MAP4: variants seen among roughly 807,000 people sequenced by gnomAD.
The protein encoded by MAP4 is microtubule associated protein 4.
Under a neutral mutation model 170.2 loss-of-function variants are expected in MAP4, and 76 were observed. The ratio of observed to expected loss-of-function variants is 0.45; its 90% CI spans 0.37 to 0.54. The LOEUF is 0.54. Among genes scored for constraint, MAP4 ranks in the 20% least tolerant of loss-of-function variants. The probability of loss-of-function intolerance (pLI) is 0.00; values close to 1 mark genes in which losing one functional copy is unlikely to be tolerated. For missense variants in MAP4, 2,506 were observed against 2,748.0 expected, an observed-to-expected ratio of 0.91 and a Z score of 1.97; for synonymous variants, 909 against 994.5, an observed-to-expected ratio of 0.91 and a Z score of 1.62.
upstream of MAP4, among the ~76,000 whole-genome samples, chr3:48,017,601 A>C (rs2100108430): frequency 6.6e-6 from 1 of 151,718 alleles, no homozygotes; most frequent in Non-Finnish European, 1.5e-5. Context: ...GTCTCCCTAC[A>C]ATTTAGTCAC....
chr3:48,062,446 A>C (rs1202777000), intron 1 of MAP4, among the ~76,000 whole-genome samples: 2 of 140,818 alleles, frequency 1.4e-5, no homozygotes, highest in Admixed American at 7.6e-5. Context: ...CTATTGTCCT[A>C]TGACCCTGCC....
At position 48,002,987 on chromosome 3, in the gene MAP4, A is replaced by T. The variant is rs141616896; in HGVS notation, c.-19-4108T>A. Among the ~76,000 whole-genome samples the T allele has an allele frequency of 3.8e-3, 571 of 149,354 alleles. 3 individuals are homozygous for T. Among genetic ancestry groups the T allele is most frequent in the African/African-American group, 0.014 (536 of 39,664 alleles). On this transcript the variant is annotated intron_variant, in intron 1 of 20. Transcript: ENST00000683076. ...TAAATAAATAAATAAATAAATAAAT[A>T]AATAAATTTAATTCCATTTAGAAAT...
chr3:47,934,966 G>A (rs2100051893), intron 3 of MAP4, among the ~76,000 whole-genome samples: 1 of 152,220 alleles, frequency 6.6e-6, no homozygotes, highest in Admixed American at 6.5e-5. Flanking sequence ...ACAGAAGCAA[G>A]TATTAGCCTA....
At chr3:48,075,495 C>A (rs560833785) in intron 1 of MAP4, among the ~76,000 whole-genome samples, 15 of 151,980 alleles carry the variant, frequency 9.9e-5, no homozygotes, top group South Asian at 8.3e-4. Flanking sequence ...CCACTGCACT[C>A]CAGCCTGGGC....
intron 3 of MAP4, among the ~76,000 whole-genome samples, chr3:47,972,198 C>T (rs1473130407): frequency 6.6e-6 from 1 of 152,220 alleles, no homozygotes; most frequent in Admixed American, 6.5e-5. Context: ...TGCAACCCTA[C>T]TGTAAACAAA....
At chr3:48,028,823 T>G (rs958128588) in intron 1 of MAP4, among the ~76,000 whole-genome samples, 1 of 149,040 alleles carries the variant, frequency 6.7e-6, no homozygotes, top group East Asian at 2.0e-4. Context: ...TAGAACATAA[T>G]CAGAACTTCA....
intron 1 of MAP4, among the ~76,000 whole-genome samples, chr3:48,040,712 C>A (rs913091653): frequency 1.3e-5 from 2 of 151,920 alleles, no homozygotes; most frequent in Non-Finnish European, 2.9e-5. Context: ...TATAGGCATG[C>A]GCCACCACAC....
intron 3 of MAP4, among the ~76,000 whole-genome samples, chr3:47,947,419 A>T (rs1440393148): frequency 6.6e-6 from 1 of 152,106 alleles, no homozygotes; most frequent in East Asian, 1.9e-4. Flanking sequence ...CTCATTCAAC[A>T]CTCAACCTTG....
chr3:48,032,279 G>A (rs1162431406), intron 1 of MAP4, among the ~76,000 whole-genome samples: 1 of 152,062 alleles, frequency 6.6e-6, no homozygotes, highest in East Asian at 1.9e-4. Context: ...TATGAAAATT[G>A]AGGTCAGGAG....
In MAP4 at chr3:47,910,073, C is replaced by T. The variant is rs780019058; in HGVS notation, c.4348G>A (p.Val1450Ile). The change falls in exon 9 of 21, where the codon GTA becomes ATA. Residue 1450 changes from valine to isoleucine, a missense_variant. Val to Ile is a conservative substitution (Grantham distance 29). Transcript: ENST00000683076. ...CEKLPTPTPQ[V>I]VKEGDSFPDT... ...GGAAAGGAATCACCTTCCTTTACTA[C>T]TTGAGGAGTAGGAGTGGGCAGTTTT... 1.9e-6 allele frequency: 3 copies of T among 1,613,890 alleles called. No individual in the cohort carries two copies. The highest frequency in any genetic ancestry group is 1.6e-4 in the Middle Eastern group (1 of 6,084).
At chr3:48,079,304 A>AC (rs1354456200) in intron 1 of MAP4, among the ~76,000 whole-genome samples, 1 of 152,122 alleles carries the variant, frequency 6.6e-6, no homozygotes, top group African/African-American at 2.4e-5. Context: ...CAAAATATGA[A>AC]CAATTCTGGT....
At chr3:47,981,374 G>A (rs2100085339) in intron 2 of MAP4, among the ~76,000 whole-genome samples, 1 of 151,998 alleles carries the variant, frequency 6.6e-6, no homozygotes, top group South Asian at 2.1e-4. Flanking sequence ...GGGCAACATA[G>A]TGTGACCCCA....
At chr3:47,927,797 G>T (rs1276637099) in intron 4 of MAP4, among the ~76,000 whole-genome samples, 2 of 152,120 alleles carry the variant, frequency 1.3e-5, no homozygotes, top group African/African-American at 4.8e-5. Flanking sequence ...TATAGAAAGT[G>T]GGTATGAATC....
rs116719566 is a variant in MAP4, at chr3:48,080,557, G to A, written c.-20+8216C>T. ...AAGTATAGCACTGGGAGTGAGAATA[G>A]GTCATTTGGCCAGGAACAGTGGCTC... On this transcript the variant is annotated intron_variant, in intron 1 of 18. Transcript: ENST00000360240. Among the ~76,000 whole-genome samples the A allele has an allele frequency of 1.2e-3, 183 of 152,268 alleles. 1 individual carries two copies. The highest frequency in any genetic ancestry group is 3.9e-3 in the African/African-American group (162 of 41,560).
chr3:47,917,924 G>A (rs962317205), intron 6 of MAP4, among the ~76,000 whole-genome samples: 2 of 152,060 alleles, frequency 1.3e-5, no homozygotes, highest in African/African-American at 4.8e-5. Flanking sequence ...CTCGGCTCCC[G>A]GGTTCAAGCA....
chr3:48,012,860 C>T (rs1371173840), intron 1 of MAP4, among the ~76,000 whole-genome samples: 1 of 152,288 alleles, frequency 6.6e-6, no homozygotes, highest in East Asian at 1.9e-4. Context: ...CTATTCTTTA[C>T]TTGTCACCAC....
chr3:47,957,786 C>T (rs1371010002), intron 3 of MAP4, among the ~76,000 whole-genome samples: 1 of 152,110 alleles, frequency 6.6e-6, no homozygotes, highest in Non-Finnish European at 1.5e-5. Flanking sequence ...GGAGACAACA[C>T]CCTGAAAGGA....
intron 1 of MAP4, among the ~76,000 whole-genome samples, chr3:48,049,715 G>A (rs754240252): frequency 3.8e-4 from 57 of 151,700 alleles, no homozygotes; most frequent in African/African-American, 1.3e-3. Context: ...GGCGGATCGC[G>A]ACGTCAGGAG....
intron 3 of MAP4, among the ~76,000 whole-genome samples, chr3:47,972,839 T>A (rs568192802): frequency 6.6e-6 from 1 of 150,492 alleles, no homozygotes; most frequent in East Asian, 2.0e-4. Flanking sequence ...TGAGCCGAGA[T>A]CATGCCACTG....
Sources: gnomAD v4.1 joint callset for allele counts (sites outside exome capture counted in the v4.1 genomes callset) on GRCh38, gnomAD v4.1.1 for gene constraint, MANE v1.5 for transcripts, NCBI Gene and HGNC (gene_info 2026-07-23, HGNC 2026-07-21) for gene names.